ADAD2: variants seen among roughly 807,000 people sequenced by gnomAD.
ADAD2 encodes adenosine deaminase domain containing 2, also known as adenosine deaminase domain-containing protein 2.
In ADAD2, 60 loss-of-function variants were observed where a neutral mutation model predicts 54.5. That is an observed-to-expected ratio of 1.10 (90% CI 0.89 to 1.36). The LOEUF (loss-of-function observed/expected upper bound fraction) is 1.36, where lower values mean the gene tolerates loss of function less well. ADAD2 is among the 40% of genes most tolerant of loss of function. The pLI is 0.00. For missense variants in ADAD2, 1,103 were observed against 801.3 expected (o/e 1.38, Z -4.54); for synonymous variants, 543 against 366.2 (o/e 1.48, Z -5.51).
intron 1 of ADAD2, chr16:84,191,978 G>C (rs377631464): frequency 8.7e-6 from 4 of 460,328 alleles, no homozygotes; most frequent in African/African-American, 7.9e-5. Flanking sequence ...TTAAGTTGCC[G>C]TGCTAGCATT....
rs908099898 is a variant in ADAD2, at chr16:84,195,154, G to T, written c.693G>T (p.Trp231Cys). 1 of 1,613,554 alleles carries T rather than the reference G, an allele frequency of 6.2e-7. No individual in the cohort carries two copies. The highest frequency in any genetic ancestry group is 1.3e-5 in the African/African-American group (1 of 75,066). ...DLLLDERSPY[W>C]ACKGTVAGVI... ...TGTTGGACGAGCGCTCGCCATACTGGGCCTGTAAGGGGACTGTGGCTGGAG... is the reference window on the plus strand; with the variant it reads ...TGTTGGACGAGCGCTCGCCATACTGTGCCTGTAAGGGGACTGTGGCTGGAG... The change falls in exon 4 of 10, where the codon TGG becomes TGT. Residue 231 changes from tryptophan (W) to cysteine (C), a missense_variant. By Grantham distance (215) the Trp-to-Cys change is radical. Transcript: ENST00000315906.
At chr16:84,191,672 T>TGTGCCAGAGGGCAGAGCC (rs2089657062) in intron 1 of ADAD2, 24 bp downstream of exon 1, 1 of 1,551,052 alleles carries the variant, frequency 6.4e-7, no homozygotes. Flanking sequence ...GGGGCATGGC[T>TGTGCCAGAGGGCAGAGCC]GTGCCAGAGG....
chr16:84,196,057 T>G lies in ADAD2; in HGVS notation c.1282+13T>G. The G allele has an allele frequency of 6.3e-7, 1 of 1,599,194 alleles. No individual in the cohort carries two copies. Among genetic ancestry groups the G allele is most frequent in the South Asian group, 1.1e-5 (1 of 91,070 alleles). On this transcript the variant is annotated intron_variant, in intron 7 of 9. Transcript: ENST00000315906. Reference sequence around the variant, plus strand: ...AGCCTCATCCTGGGTGAGCACGTGGTGAGGGCTGGGGGGGTGAGAAGGGAG... The same window carrying G: ...AGCCTCATCCTGGGTGAGCACGTGGGGAGGGCTGGGGGGGTGAGAAGGGAG...
intron 8 of ADAD2, 123 bp from the exon 9 acceptor site, chr16:84,196,524 C>A (rs1597601619): frequency 1.3e-6 from 2 of 1,549,866 alleles, no homozygotes; most frequent in Non-Finnish European, 8.7e-7. Flanking sequence ...GGCCACACCT[C>A]TGTCTGCCCT....
chr16:84,196,865 C>G lies in ADAD2; in HGVS notation c.1648-5C>G. 6.3e-7 allele frequency: 1 copy of G among 1,592,924 alleles called. No homozygotes were observed. Among genetic ancestry groups the G allele is most frequent in the Non-Finnish European group, 8.6e-7 (1 of 1,168,912 alleles). On this transcript the variant is annotated splice_polypyrimidine_tract_variant and splice_region_variant and intron_variant, in intron 9 of 9. Coordinates refer to ENST00000315906, the MANE Select transcript of ADAD2 (RefSeq NM_001145400.2). ...TCTCACCCCACCTCTCATCTCCCGC[C>G]CTAGGCTGGGCCCTACCAGGAGGCT...
chr16:84,195,638 C>T lies in ADAD2; in HGVS notation c.993C>T (p.Pro331=), dbSNP rs202063579. The change falls in exon 6 of 10, where the codon CCC becomes CCT. Residue 331 remains proline, a synonymous_variant. Coordinates refer to ENST00000315906, the MANE Select transcript of ADAD2 (RefSeq NM_001145400.2). ...CCGGACCCCCATTCACCCTCAAGCC[C>T]CGCGTCTTCCTGCACCTCTACATCA... ...PGPGPPFTLK[P]RVFLHLYISN... The T allele has an allele frequency of 2.5e-6, 4 of 1,602,728 alleles. No homozygotes were observed. The highest frequency in any genetic ancestry group is 3.4e-5 in the Admixed American group (2 of 58,156).
chr16:84,193,773 TGG>T (rs1363182192), intron 1 of ADAD2: 1 of 441,306 alleles, frequency 2.3e-6, no homozygotes, highest in Non-Finnish European at 4.0e-6. Context: ...CGTCTGTCTG[TGG>T]TTGCTGGTTT....
Position 84,195,314 on chromosome 16 carries a change from G to T in ADAD2, c.752G>T (p.Gly251Val), listed in dbSNP as rs371816001. 3 of 1,611,090 alleles carry T rather than the reference G, an allele frequency of 1.9e-6. No homozygotes were observed. The highest frequency in any genetic ancestry group is 2.5e-6 in the Non-Finnish European group (3 of 1,179,818). The change falls in exon 5 of 10, where the codon GGC (glycine) becomes GTC (valine). Residue 251 changes from glycine to valine, a missense_variant. Coordinates refer to ENST00000315906, the MANE Select transcript of ADAD2 (RefSeq NM_001145400.2). The stretch of plus-strand genomic sequence containing the variant: ...TGCACAGAGATCCCGCGTGCCAGGG[G>T]CCACGTGAAGGAGATCTACAAGCTG... ...ILEREIPRAR[G>V]HVKEIYKLVA...
In ADAD2 at chr16:84,191,550, C is replaced by T. The variant is rs149894736; in HGVS notation, c.320C>T (p.Pro107Leu). The stretch of plus-strand genomic sequence containing the variant: ...GTGCCCCCAGCAGGGCTCAGCCTGC[C>T]GCTCAAAGACCCACCTGCCAGCCAG... ...VPVPPAGLSL[P>L]LKDPPASQAV... Residue 107 changes from proline (P) to leucine (L), a missense_variant, in exon 1 of 10, where the codon CCG (proline) becomes CTG (leucine). Physicochemically the swap from Pro to Leu is moderately conservative, Grantham distance 98 (BLOSUM62 -3). Transcript: ENST00000315906. 1.9e-4 allele frequency: 292 copies of T among 1,548,202 alleles called. 1 individual carries two copies. The East Asian group carries it at 6.3e-3, about 34-fold the overall frequency.
In ADAD2 at chr16:84,191,548, G is replaced by A. The variant is rs1237468434; in HGVS notation, c.318G>A (p.Leu106=). ...CTGTGCCCCCAGCAGGGCTCAGCCT[G>A]CCGCTCAAAGACCCACCTGCCAGCC... is the stretch of plus-strand genomic sequence containing the variant. ...RVPVPPAGLS[L]PLKDPPASQA... The change falls in exon 1 of 10, where the codon CTG becomes CTA. Residue 106 remains leucine, a synonymous_variant. Coordinates refer to ENST00000315906, the MANE Select transcript of ADAD2 (RefSeq NM_001145400.2). 3 of 1,548,004 alleles carry A rather than the reference G, an allele frequency of 1.9e-6. No individual in the cohort carries two copies. The highest frequency in any genetic ancestry group is 1.4e-5 in the African/African-American group (1 of 73,026).
chr16:84,195,192 G>A lies in ADAD2; in HGVS notation c.731G>A (p.Arg244Lys), dbSNP rs61741260. Residue 244 changes from arginine to lysine, a missense_variant and splice_region_variant, in exon 4 of 10, where the codon AGG becomes AAG. Transcript: ENST00000315906. ...ACTGTGGCTGGAGTCATCCTGGAGA[G>A]GGGTAGGGATCGCCCCAGCCCTGGC... ...KGTVAGVILE[R>K]EIPRARGHVK... is the part of the protein sequence containing the mutation. The A allele has an allele frequency of 9.5e-4, 1,533 of 1,612,564 alleles. 11 individuals are homozygous for A. In the African/African-American group the frequency reaches 0.017, roughly 18 times the overall value.
Position 84,195,083 on chromosome 16 carries a change from C to A in ADAD2, c.622C>A (p.His208Asn). Residue 208 changes from histidine to asparagine, a missense_variant, in exon 4 of 10, where the codon CAT becomes AAT. Coordinates refer to ENST00000315906, the MANE Select transcript of ADAD2 (RefSeq NM_001145400.2). ...CCCTGGCGCAGAGAACATCCTGACC[C>A]ATGAGCAGCGCTGCGCAGCGTTGGT... ...APLSVENILT[H>N]EQRCAALVSA... 1 of 1,613,612 alleles carries A rather than the reference C, an allele frequency of 6.2e-7. No homozygotes were observed. Among genetic ancestry groups the A allele is most frequent in the Non-Finnish European group, 8.5e-7 (1 of 1,179,888 alleles).
In ADAD2 at chr16:84,191,366, G is replaced by A. The variant is rs754711184; in HGVS notation, c.136G>A (p.Ala46Thr). The A allele has an allele frequency of 3.9e-6, 6 of 1,525,734 alleles. No individual in the cohort carries two copies. In the South Asian group the frequency reaches 6.1e-5, roughly 15 times the overall value. The allele number at this position is 1,525,734 out of a possible 1,614,324, so 94.5% of individuals were successfully genotyped here. A position where few individuals can be genotyped will look rare whatever the true frequency, so the allele number is the denominator to read the frequency against. ...CCAGGCCCAAAGTGCCTGGGGGCCC[G>A]CGCCCGCGCCCGCGACGTATCGCGC... ...PAQAQSAWGP[A>T]PAPATYRAEG... The change falls in exon 1 of 10, where the codon GCG becomes ACG. Residue 46 changes from alanine (A) to threonine (T), a missense_variant. Ala to Thr is a moderately conservative substitution (Grantham distance 58). Transcript: ENST00000315906.
intron 2 of ADAD2, 145 bp downstream of exon 2, chr16:84,194,727 T>C (rs1397215418): frequency 1.4e-6 from 2 of 1,411,902 alleles, no homozygotes; most frequent in Admixed American, 4.0e-5. Context: ...GGACGTCACC[T>C]GCAGGGAGCT....
Position 84,191,621 on chromosome 16 carries a change from C to A in ADAD2, c.391C>A (p.Leu131Met). Residue 131 changes from leucine (L) to methionine (M), a missense_variant, in exon 1 of 10, where the codon CTG becomes ATG. Coordinates refer to ENST00000315906, the MANE Select transcript of ADAD2 (RefSeq NM_001145400.2). ...TEYAASLGIFLLFREDQPPGP... is the reference protein window; with the variant it reads ...TEYAASLGIFMLFREDQPPGP... ...GTACGCGGCCAGCCTGGGCATCTTC[C>A]TGCTCTTCCGGGAGGACCAGCCACC... 1 of 1,555,346 alleles carries A rather than the reference C, an allele frequency of 6.4e-7. No individual in the cohort carries two copies. The highest frequency in any genetic ancestry group is 1.2e-5 in the South Asian group (1 of 84,548).
intron 1 of ADAD2, chr16:84,192,846 C>CTT (rs1350008716): frequency 3.6e-5 from 5 of 140,348 alleles, no homozygotes; most frequent in Non-Finnish European, 7.7e-5. Flanking sequence ...GCCCAGCCCT[C>CTT]TTTTTTTTTT....
chr16:84,195,018 A>C, intron 3 of ADAD2, 38 bp downstream of exon 3: 1 of 1,612,662 alleles, frequency 6.2e-7, no homozygotes, highest in Non-Finnish European at 8.5e-7. Flanking sequence ...TGTAGTGTCG[A>C]GGGGAGAGGC....
In ADAD2 at chr16:84,196,038, A is replaced by C; in HGVS notation, c.1276A>C (p.Ile426Leu). 6.3e-7 allele frequency: 1 copy of C among 1,599,160 alleles called. No homozygotes were observed. Among genetic ancestry groups the C allele is most frequent in the Non-Finnish European group, 8.5e-7 (1 of 1,179,778 alleles). Residue 426 changes from isoleucine to leucine, a missense_variant, in exon 7 of 10, where the codon ATC (isoleucine) becomes CTC (leucine). Coordinates refer to ENST00000315906, the MANE Select transcript of ADAD2 (RefSeq NM_001145400.2). ...LVSPLYSTSL[I>L]LADSCHDPPT... ...GTCCCCACTCTACAGCACCAGCCTC[A>C]TCCTGGGTGAGCACGTGGTGAGGGC...
At chr16:84,194,209 G>T (rs762338144) in intron 1 of ADAD2, 1 of 1,566,982 alleles carries the variant, frequency 6.4e-7, no homozygotes, top group Non-Finnish European at 8.7e-7. Context: ...CATCCCTGCT[G>T]TGGAGGAGTT....
Sources: allele counts gnomAD v4.1 joint callset, GRCh38; gene constraint gnomAD v4.1.1; transcripts MANE v1.5; gene names NCBI Gene and HGNC (gene_info 2026-07-23, HGNC 2026-07-21).